Variants in KLHDC4 observed in about 807,000 individuals in gnomAD.
KLHDC4 encodes kelch domain containing 4.
Under a neutral mutation model 62.4 loss-of-function variants are expected in KLHDC4, and 90 were observed. That is an observed-to-expected ratio of 1.44 (90% CI 1.22 to 1.72). KLHDC4 has a LOEUF of 1.72. Ranked by LOEUF, KLHDC4 falls within the 40% of genes most tolerant of loss-of-function variation. KLHDC4 has a pLI of 0.00. For synonymous variants in KLHDC4, 386 were observed against 284.4 expected (o/e 1.36, Z -3.59); for missense variants, 1,025 against 699.7 (o/e 1.47, Z -5.25).
intron 5 of KLHDC4, chr16:87,741,020 G>T (rs1234339881): frequency 6.6e-6 from 1 of 152,166 alleles, no homozygotes; most frequent in Non-Finnish European, 1.5e-5. Flanking sequence ...CCGCACGTGA[G>T]TTTTGGTCTT....
intron 7 of KLHDC4, among the ~76,000 whole-genome samples, chr16:87,722,240 A>G (rs2038517584): frequency 6.6e-6 from 1 of 152,220 alleles, no homozygotes; most frequent in African/African-American, 2.4e-5. Flanking sequence ...TGGTTACGAT[A>G]CTGACCAAAG....
At chr16:87,732,812 C>T (rs1411988580) in intron 5 of KLHDC4, among the ~76,000 whole-genome samples, 41 of 133,316 alleles carry the variant, frequency 3.1e-4, no homozygotes, top group Middle Eastern at 4.6e-3. Flanking sequence ...CCAGCTTCTA[C>T]AGGTGAAAAG....
In KLHDC4 at chr16:87,711,365, G is replaced by A. The variant is rs530763969; in HGVS notation, c.914C>T (p.Pro305Leu). 61 of 1,613,848 alleles carry A rather than the reference G, an allele frequency of 3.8e-5. No individual in the cohort carries two copies. The highest frequency in any genetic ancestry group is 6.7e-5 in the Admixed American group (4 of 60,032). Residue 305 changes from proline (P) to leucine (L), a missense_variant, in exon 9 of 12, where the codon CCG (proline) becomes CTG (leucine). Transcript: ENST00000270583. The stretch of plus-strand genomic sequence containing the variant: ...CCCGAAGAACAGTGTCTGGTGATTC[G>A]GGGCCATGGCCACGGAAAAGCCAGA... ...PRSGFSVAMA[P>L]NHQTLFFGGV...
intron 7 of KLHDC4, among the ~76,000 whole-genome samples, chr16:87,719,887 T>G (rs1377431603): frequency 6.6e-6 from 1 of 152,216 alleles, no homozygotes; most frequent in Non-Finnish European, 1.5e-5. Flanking sequence ...AGCAGAGCTG[T>G]GCCTGAACGT....
At position 87,711,305 on chromosome 16, in the gene KLHDC4, G is replaced by T. The variant is rs113844965; in HGVS notation, c.974C>A (p.Ser325Ter). 1 of 1,614,088 alleles carries T rather than the reference G, an allele frequency of 6.2e-7. No individual in the cohort carries two copies. The highest frequency in any genetic ancestry group is 8.5e-7 in the Non-Finnish European group (1 of 1,180,032). ...VCDEEEEESLSGEFFNDLYFY... is the reference protein window; with the variant it reads ...VCDEEEEESL ...GTACAGATCGTTGAAGAACTCGCCC[G>T]ACAGGCTCTCCTCCTCTTCCTCGTC... Residue 325 changes from serine (S) to a stop codon, truncating the protein, a stop_gained, in exon 9 of 12, where the codon TCG (serine) becomes TAG (stop). Transcript: ENST00000270583. LOFTEE classifies it high-confidence loss of function.
downstream of KLHDC4, chr16:87,702,968 C>G (rs1020543822): frequency 2.6e-5 from 4 of 152,280 alleles, no homozygotes; most frequent in Admixed American, 2.0e-4. Flanking sequence ...ATGAATGTAA[C>G]AGTTTAAATC....
At chr16:87,700,762 G>A in exon 1 of KLHDC4, 1 of 217,260 alleles carries the variant, frequency 4.6e-6, no homozygotes, top group South Asian at 4.5e-5. Flanking sequence ...GGCAGAGGGA[G>A]GAGATTGGAG....
chr16:87,765,323 G>C (rs147036351), intron 1 of KLHDC4: 9 of 456,622 alleles, frequency 2.0e-5, no homozygotes, highest in African/African-American at 6.0e-5. Context: ...CAGGGCTGCT[G>C]TGATGATTAT....
chr16:87,760,763 C>A (rs537624625), intron 2 of KLHDC4, among the ~76,000 whole-genome samples: 104 of 151,560 alleles, frequency 6.9e-4, no homozygotes, highest in African/African-American at 2.4e-3. Context: ...CCAGGCACAG[C>A]GACTCACGCC....
intron 8 of KLHDC4, among the ~76,000 whole-genome samples, chr16:87,712,096 G>A (rs1338324898): frequency 6.9e-6 from 1 of 145,316 alleles, no homozygotes; most frequent in East Asian, 2.0e-4. Flanking sequence ...CCTGGGGTCT[G>A]AGTGCCTGCA....
chr16:87,708,495 C>T (rs772403007), intron 10 of KLHDC4, 29 bp from the exon 11 acceptor site: 9 of 1,546,612 alleles, frequency 5.8e-6, no homozygotes, highest in East Asian at 2.3e-5. Context: ...CGCACATACA[C>T]GTCAGCGCAG....
At chr16:87,739,823 G>C (rs922928821) in intron 5 of KLHDC4, 3 of 152,294 alleles carry the variant, frequency 2.0e-5, no homozygotes, top group Non-Finnish European at 4.4e-5. Flanking sequence ...ACAGACAGCA[G>C]GGACCGGGGA....
Position 87,748,712 on chromosome 16 carries a change from C to A in KLHDC4, c.467G>T (p.Trp156Leu). ...GEQFYHYKDL[W>L]VLHLATKTWE... Reference sequence around the variant, plus strand: ...GGTCTTGGTGGCCAAATGCAGGACCCAGAGATCCTTGTAGTGGTAGAACTG... The same window carrying A: ...GGTCTTGGTGGCCAAATGCAGGACCAAGAGATCCTTGTAGTGGTAGAACTG... The change falls in exon 5 of 12, where the codon TGG (tryptophan) becomes TTG (leucine). Residue 156 changes from tryptophan (W) to leucine (L), a missense_variant. Transcript: ENST00000270583. 6.2e-7 allele frequency: 1 copy of A among 1,613,636 alleles called. No individual in the cohort carries two copies. The highest frequency in any genetic ancestry group is 8.5e-7 in the Non-Finnish European group (1 of 1,179,940).
At chr16:87,730,666 G>C in intron 5 of KLHDC4, 22 bp from the exon 6 acceptor site, 1 of 1,595,380 alleles carries the variant, frequency 6.3e-7, no homozygotes, top group Non-Finnish European at 8.6e-7. Context: ...TAAACAAAAA[G>C]ACACTATCAA....
rs971568837 is a variant in KLHDC4, at chr16:87,714,680, C to T, written c.760-107G>A. 3.4e-6 allele frequency: 4 copies of T among 1,164,430 alleles called. No individual in the cohort carries two copies. The African/African-American group carries it at 6.0e-5, about 17-fold the overall frequency. The allele number at this position is 1,164,430 out of a possible 1,614,324, so 72.1% of individuals were successfully genotyped here. ...TGGATGGAAGGGGCTGGAGGCCTTC[C>T]CTGTAGACCAGCCCCAAAGCTCCAA... On this transcript the variant is annotated intron_variant, in intron 7 of 11. Coordinates refer to ENST00000270583, the MANE Select transcript of KLHDC4 (RefSeq NM_017566.4).
At chr16:87,761,005 C>T (rs2045804680) in intron 2 of KLHDC4, among the ~76,000 whole-genome samples, 2 of 152,126 alleles carry the variant, frequency 1.3e-5, no homozygotes, top group African/African-American at 4.8e-5. Flanking sequence ...TGTACTCCAG[C>T]CTGGATGACA....
chr16:87,745,972 T>A lies in KLHDC4; in HGVS notation c.506+2701A>T, dbSNP rs147320923. Among the ~76,000 whole-genome samples, 585 of 152,138 alleles carry A rather than the reference T, an allele frequency of 3.8e-3. 3 individuals carry two copies. Among genetic ancestry groups the A allele is most frequent in the African/African-American group, 0.012 (503 of 41,486 alleles). ...TGCTGAGCAGTAGAAATACAGAAAT[T>A]AAGCAGCTCAGCCTGGCACAGTGGC... On this transcript the variant is annotated intron_variant, in intron 5 of 11. Transcript: ENST00000270583.
intron 5 of KLHDC4, among the ~76,000 whole-genome samples, chr16:87,734,856 A>C (rs868008163): frequency 6.6e-6 from 1 of 151,988 alleles, no homozygotes; most frequent in African/African-American, 2.4e-5. Flanking sequence ...GACACACTAC[A>C]CATGAGAGTC....
chr16:87,712,890 G>C (rs1056444036), intron 8 of KLHDC4, among the ~76,000 whole-genome samples: 1 of 152,252 alleles, frequency 6.6e-6, no homozygotes, highest in East Asian at 1.9e-4. Context: ...CTGGTCCCAA[G>C]CCACAGCCTC....
Sources: gnomAD v4.1 joint callset for allele counts (sites outside exome capture counted in the v4.1 genomes callset) on GRCh38, gnomAD v4.1.1 for gene constraint, MANE v1.5 for transcripts, NCBI Gene and HGNC (gene_info 2026-07-23, HGNC 2026-07-21) for gene names.